The following HTR4 variants were observed in gnomAD, a reference collection of about 807,000 sequenced individuals.
The protein encoded by HTR4 is 5-hydroxytryptamine receptor 4.
In HTR4, 16 loss-of-function variants were observed where a neutral mutation model predicts 36.8. That is an observed-to-expected ratio of 0.43 (90% CI 0.29 to 0.66). The LOEUF (loss-of-function observed/expected upper bound fraction) is 0.66, where lower values mean the gene tolerates loss of function less well. Ranked by LOEUF, HTR4 falls within the 30% of genes least tolerant of loss-of-function variation. The probability of loss-of-function intolerance (pLI) is 0.13; values close to 1 mark genes in which losing one functional copy is unlikely to be tolerated. For missense variants in HTR4, 438 were observed against 490.9 expected (o/e 0.89, Z 1.02); for synonymous variants, 189 against 185.1 (o/e 1.02, Z -0.17).
intron 2 of HTR4, among the ~76,000 whole-genome samples, chr5:148,603,602 G>T (rs1345798624): frequency 1.3e-5 from 2 of 151,900 alleles, no homozygotes; most frequent in African/African-American, 4.8e-5. Context: ...TTTACAAAAC[G>T]CATGGCTCTA....
Position 148,483,005 on chromosome 5 carries a change from C to T in HTR4, c.*198G>A. 1 of 1,432,366 alleles carries T rather than the reference C, an allele frequency of 7.0e-7. No homozygotes were observed. The highest frequency in any genetic ancestry group is 2.5e-5 in the East Asian group (1 of 39,402). 88.7% of individuals were successfully genotyped at this position (1,432,366 alleles called of 1,614,324 possible). ...GGGAAATAAAAAGTGAACAAGGAGG[C>T]CATTATGTCCCCTGACTCCCTCCAG... On this transcript the variant is annotated 3_prime_UTR_variant, in exon 7 of 7. Coordinates refer to ENST00000377888, the MANE Select transcript of HTR4 (RefSeq NM_000870.7).
At chr5:148,608,927 C>T (rs1393860603) in intron 2 of HTR4, among the ~76,000 whole-genome samples, 1 of 152,108 alleles carries the variant, frequency 6.6e-6, no homozygotes, top group Non-Finnish European at 1.5e-5. Context: ...CCATCAACTC[C>T]CAGATGGCCA....
intron 2 of HTR4, among the ~76,000 whole-genome samples, chr5:148,560,377 A>T (rs1228022665): frequency 6.6e-6 from 1 of 152,124 alleles, no homozygotes; most frequent in Non-Finnish European, 1.5e-5. Flanking sequence ...TTTCTAACTT[A>T]GTGCATCTTG....
At chr5:148,590,454 G>A (rs1027540642) in intron 2 of HTR4, among the ~76,000 whole-genome samples, 4 of 151,450 alleles carry the variant, frequency 2.6e-5, no homozygotes, top group Non-Finnish European at 4.4e-5. Flanking sequence ...GCGCCACCAT[G>A]CTTGGCTAAT....
At position 148,509,781 on chromosome 5, in the gene HTR4, T is replaced by G. The variant is rs1202367565; in HGVS notation, c.751A>C (p.Met251Leu). 1 of 1,613,804 alleles carries G rather than the reference T, an allele frequency of 6.2e-7. No individual in the cohort carries two copies. Among genetic ancestry groups the G allele is most frequent in the Non-Finnish European group, 8.5e-7 (1 of 1,179,958 alleles). ...QSADQHSTHRMRTETKAAKTL... is the reference protein window; with the variant it reads ...QSADQHSTHRLRTETKAAKTL... ...TTGGCTGCTTTGGTCTCTGTCCTCA[T>G]GCGATGAGTGCTATGCTGGTCTGCC... Residue 251 changes from methionine (M) to leucine (L), a missense_variant, in exon 6 of 7, where the codon ATG becomes CTG. Physicochemically the swap from Met to Leu is conservative, Grantham distance 15. Coordinates refer to ENST00000377888, the MANE Select transcript of HTR4 (RefSeq NM_000870.7).
chr5:148,599,897 A>T (rs1761920671), intron 2 of HTR4, among the ~76,000 whole-genome samples: 1 of 152,012 alleles, frequency 6.6e-6, no homozygotes. Flanking sequence ...TAACATAAGC[A>T]TATTTTAATC....
intron 2 of HTR4, among the ~76,000 whole-genome samples, chr5:148,557,179 G>A (rs1759984820): frequency 1.3e-5 from 2 of 152,058 alleles, no homozygotes; most frequent in Non-Finnish European, 2.9e-5. Context: ...TGACATGGGG[G>A]CAGGGGTGAT....
At chr5:148,615,346 A>G (rs1014948976) in intron 2 of HTR4, among the ~76,000 whole-genome samples, 2 of 151,800 alleles carry the variant, frequency 1.3e-5, no homozygotes, top group East Asian at 1.9e-4. Context: ...AATACTATGC[A>G]GCCATAAAAA....
intron 2 of HTR4, among the ~76,000 whole-genome samples, chr5:148,577,821 G>A (rs1291704625): frequency 6.6e-6 from 1 of 152,014 alleles, no homozygotes; most frequent in African/African-American, 2.4e-5. Flanking sequence ...CTACTTGAGG[G>A]TGGAGGGTGA....
At chr5:148,585,754 A>G (rs1439731209) in intron 2 of HTR4, among the ~76,000 whole-genome samples, 1 of 152,152 alleles carries the variant, frequency 6.6e-6, no homozygotes, top group East Asian at 1.9e-4. Flanking sequence ...CCTGATTTAC[A>G]TTTTTGTATA....
chr5:148,647,535 C>A (rs1311752539), intron 1 of HTR4, among the ~76,000 whole-genome samples: 3 of 152,136 alleles, frequency 2.0e-5, no homozygotes, highest in Admixed American at 6.5e-5. Flanking sequence ...ACAGGGGAGA[C>A]AAAGCTGCTT....
At chr5:148,549,427 T>G (rs1406285404) in intron 3 of HTR4, among the ~76,000 whole-genome samples, 1 of 152,194 alleles carries the variant, frequency 6.6e-6, no homozygotes, top group African/African-American at 2.4e-5. Flanking sequence ...GATGTCTTAC[T>G]TAGAGAGGAA....
rs201802364 is a variant in HTR4, at chr5:148,548,721, G to A, written c.300C>T (p.Asp100=). The A allele has an allele frequency of 1.2e-5, 20 of 1,612,094 alleles. No homozygotes were observed. Among genetic ancestry groups the A allele is most frequent in the Admixed American group, 8.4e-5 (5 of 59,868 alleles). Residue 100 remains aspartate, a synonymous_variant, in exon 4 of 7, where the codon GAC becomes GAT. Coordinates refer to ENST00000377888, the MANE Select transcript of HTR4 (RefSeq NM_000870.7). ...AAATCGATGCCGTTGTGAGCAGGAC[G>A]TCCAGAGATGTCCGAACAAGACAAA... is the stretch of plus-strand genomic sequence containing the variant. ...EVFCLVRTSL[D]VLLTTASIFH... is the part of the protein sequence containing the mutation.
intron 2 of HTR4, among the ~76,000 whole-genome samples, chr5:148,584,569 T>G (rs1581509264): frequency 6.6e-6 from 1 of 152,314 alleles, no homozygotes; most frequent in East Asian, 1.9e-4. Flanking sequence ...GCTGTCCTAT[T>G]AGGTACTGCA....
Position 148,506,800 on chromosome 5 carries a change from A to C in HTR4, c.1076+2656T>G, listed in dbSNP as rs187811383. Among the ~76,000 whole-genome samples, 371 of 152,330 alleles carry C rather than the reference A, an allele frequency of 2.4e-3. 1 individual carries two copies. Among genetic ancestry groups the C allele is most frequent in the African/African-American group, 7.9e-3 (327 of 41,572 alleles). ...GCTCATCATCACTGGCCGTCAGAGA[A>C]ATGCAAATCAAAACCACAATGAGAT... On this transcript the variant is annotated intron_variant, in intron 6 of 6. Transcript: ENST00000377888.
At chr5:148,650,498 T>G (rs532342492) in intron 1 of HTR4, among the ~76,000 whole-genome samples, 11 of 152,166 alleles carry the variant, frequency 7.2e-5, no homozygotes, top group Admixed American at 5.2e-4. Context: ...ACTGTCTCAA[T>G]AGCATAAAAA....
chr5:148,605,167 C>T (rs910475630), intron 2 of HTR4, among the ~76,000 whole-genome samples: 23 of 152,158 alleles, frequency 1.5e-4, no homozygotes, highest in African/African-American at 5.1e-4. Flanking sequence ...CGGGACATTC[C>T]CCTGCTTGGT....
At chr5:148,522,934 G>C (rs1011606968) in intron 5 of HTR4, among the ~76,000 whole-genome samples, 1 of 152,080 alleles carries the variant, frequency 6.6e-6, no homozygotes, top group African/African-American at 2.4e-5. Flanking sequence ...TGCTAAAATT[G>C]GGTGATGCAA....
At chr5:148,592,643 A>G (rs532267545) in intron 2 of HTR4, among the ~76,000 whole-genome samples, 9 of 152,136 alleles carry the variant, frequency 5.9e-5, no homozygotes, top group African/African-American at 2.2e-4. Context: ...ACTCATTGTT[A>G]TTATTATATA....
Sources: gnomAD v4.1 joint callset for allele counts (sites outside exome capture counted in the v4.1 genomes callset) on GRCh38, gnomAD v4.1.1 for gene constraint, MANE v1.5 for transcripts, NCBI Gene and HGNC (gene_info 2026-07-23, HGNC 2026-07-21) for gene names.